ZNF536: variants seen among roughly 807,000 people sequenced by gnomAD.
The protein encoded by ZNF536 is zinc finger protein 536.
A neutral mutation model predicts 84.5 loss-of-function variants in ZNF536; 13 were observed. The ratio of observed to expected loss-of-function variants is 0.15; its 90% CI spans 0.10 to 0.24. The LOEUF is 0.24. ZNF536 is among the 10% of genes least tolerant of loss of function. ZNF536 has a pLI of 1.00. For synonymous variants in ZNF536, 811 were observed against 742.5 expected (o/e 1.09, Z -1.50); for missense variants, 1,536 against 1,747.5 (o/e 0.88, Z 2.16).
At chr19:30,369,861 G>A (rs2147003780), upstream of ZNF536, among the ~76,000 whole-genome samples, 1 of 152,240 alleles carries the variant, frequency 6.6e-6, no homozygotes, top group South Asian at 2.1e-4. Context: ...ATTATGGAAA[G>A]TTTATTATTA....
chr19:30,529,201 A>G (rs915891673), intron 2 of ZNF536, among the ~76,000 whole-genome samples: 4 of 152,202 alleles, frequency 2.6e-5, no homozygotes, highest in Non-Finnish European at 5.9e-5. Flanking sequence ...TCTACCCTTC[A>G]AGTACAAAAT....
intron 2 of ZNF536, among the ~76,000 whole-genome samples, chr19:30,292,813 C>T (rs1038783236): frequency 7.2e-5 from 11 of 152,180 alleles, no homozygotes; most frequent in Admixed American, 6.5e-5. Context: ...CTAAGACCCA[C>T]GCCTTATGTT....
chr19:30,633,436 T>G (rs2048959824), intron 1 of ZNF536, among the ~76,000 whole-genome samples: 1 of 152,226 alleles, frequency 6.6e-6, no homozygotes, highest in African/African-American at 2.4e-5. Context: ...AAATTTACTC[T>G]CTGGTAATAT....
intron 1 of ZNF536, among the ~76,000 whole-genome samples, chr19:30,250,246 C>T (rs1421841164): frequency 6.6e-6 from 1 of 152,194 alleles, no homozygotes; most frequent in Non-Finnish European, 1.5e-5. Flanking sequence ...GATGAAAATG[C>T]ACTTTTAAGA....
intron 2 of ZNF536, among the ~76,000 whole-genome samples, chr19:30,503,435 C>T (rs1422565580): frequency 2.0e-5 from 3 of 152,188 alleles, no homozygotes; most frequent in Non-Finnish European, 4.4e-5. Flanking sequence ...ATGTGTGAGA[C>T]TGACCTGTAT....
chr19:30,321,330 G>A lies in ZNF536; in HGVS notation c.-119-31038G>A, dbSNP rs982662510. On this transcript the variant is annotated intron_variant, in intron 2 of 5. Coordinates refer to the ZNF536 transcript ENST00000585628. The stretch of plus-strand genomic sequence containing the variant: ...CCAGCACTTTAGGCGGCCGAGGTGG[G>A]AGGATCACTTGAAGTCAGGAGTTTG... Among the ~76,000 whole-genome samples the A allele has an allele frequency of 2.0e-5, 3 of 152,224 alleles. No homozygotes were observed. The South Asian group carries it at 6.2e-4, about 32-fold the overall frequency.
At chr19:30,711,156 T>C (rs2091108055) in exon 2 of ZNF536, 2 of 141,360 alleles carry the variant, frequency 1.4e-5, no homozygotes, top group South Asian at 4.7e-4. Context: ...TATCTATATA[T>C]ATATTAAAAA....
chr19:30,627,468 CAAAAAAAAAAAAAAA>C (rs569312789), intron 1 of ZNF536, among the ~76,000 whole-genome samples: 22 of 52,028 alleles, frequency 4.2e-4, no homozygotes, highest in African/African-American at 9.4e-4. Flanking sequence ...AAGGCCCTGT[CAAAAAAAAAAAAAAA>C]AAAAAAAAAA....
chr19:30,658,965 C>A (rs1363901765), intron 1 of ZNF536, among the ~76,000 whole-genome samples: 1 of 152,178 alleles, frequency 6.6e-6, no homozygotes, highest in Non-Finnish European at 1.5e-5. Context: ...AAATAGGTTT[C>A]TTGTATCTGG....
intron 2 of ZNF536, among the ~76,000 whole-genome samples, chr19:30,446,733 A>G (rs1339562688): frequency 1.3e-5 from 2 of 152,126 alleles, no homozygotes; most frequent in African/African-American, 2.4e-5. Context: ...TTGGGGTCTA[A>G]AATAGCAAAG....
intron 1 of ZNF536, among the ~76,000 whole-genome samples, chr19:30,233,139 T>A (rs1368561560): frequency 6.6e-6 from 1 of 152,048 alleles, no homozygotes; most frequent in Non-Finnish European, 1.5e-5. Flanking sequence ...CATGGATGAA[T>A]TGTATCTGAG....
intron 2 of ZNF536, among the ~76,000 whole-genome samples, chr19:30,461,036 G>T (rs1344442721): frequency 6.6e-6 from 1 of 152,178 alleles, no homozygotes; most frequent in East Asian, 1.9e-4. Flanking sequence ...GGCCGTGTGG[G>T]CGCGTCGGAG....
At chr19:30,412,927 A>G (rs2050555474) in intron 1 of ZNF536, among the ~76,000 whole-genome samples, 1 of 151,926 alleles carries the variant, frequency 6.6e-6, no homozygotes, top group Admixed American at 6.6e-5. Flanking sequence ...CTTTTATTCA[A>G]GTATGTTACT....
chr19:30,451,281 T>C (rs1406651480), intron 2 of ZNF536, among the ~76,000 whole-genome samples: 1 of 152,260 alleles, frequency 6.6e-6, no homozygotes, highest in African/African-American at 2.4e-5. Flanking sequence ...GCCGTTGCTC[T>C]CAGATGCTGG....
intron 1 of ZNF536, among the ~76,000 whole-genome samples, chr19:30,390,451 A>G (rs1033066172): frequency 5.9e-5 from 9 of 152,134 alleles, no homozygotes; most frequent in African/African-American, 1.9e-4. Flanking sequence ...CAGTGCTAGA[A>G]AGTGGAGTTG....
intron 1 of ZNF536, among the ~76,000 whole-genome samples, chr19:30,390,684 A>G (rs1209038847): frequency 7.2e-5 from 11 of 152,222 alleles, no homozygotes; most frequent in Non-Finnish European, 5.9e-5. Flanking sequence ...CCTTAGAAAC[A>G]GTCCATGGCA....
At chr19:30,608,128 A>G (rs1264720108) in intron 1 of ZNF536, among the ~76,000 whole-genome samples, 3 of 152,224 alleles carry the variant, frequency 2.0e-5, no homozygotes, top group Admixed American at 6.5e-5. Flanking sequence ...ATTGCAATTG[A>G]TTTTTTGAAT....
chr19:30,450,509 T>G (rs2052554114), intron 2 of ZNF536, among the ~76,000 whole-genome samples: 1 of 152,196 alleles, frequency 6.6e-6, no homozygotes, highest in African/African-American at 2.4e-5. Context: ...CCCCTGGGCA[T>G]GGTGGCAGCT....
intron 2 of ZNF536, among the ~76,000 whole-genome samples, chr19:30,323,171 C>A (rs1443837911): frequency 6.6e-6 from 1 of 152,248 alleles, no homozygotes; most frequent in Non-Finnish European, 1.5e-5. Flanking sequence ...CTGGGCTGGG[C>A]TTTGCTGGTA....
Sources: gnomAD v4.1 joint callset for allele counts (sites outside exome capture counted in the v4.1 genomes callset) on GRCh38, gnomAD v4.1.1 for gene constraint, MANE v1.5 for transcripts, NCBI Gene and HGNC (gene_info 2026-07-23, HGNC 2026-07-21) for gene names.